CD8A: variants seen among roughly 807,000 people sequenced by gnomAD.
CD8A encodes the protein T-cell surface glycoprotein CD8 alpha chain.
CD8A carries 25 observed loss-of-function variants against 24.2 expected under a neutral mutation model. The ratio of observed to expected loss-of-function variants is 1.03; its 90% CI spans 0.75 to 1.44. The LOEUF (loss-of-function observed/expected upper bound fraction) is 1.44, where lower values mean the gene tolerates loss of function less well. Ranked by LOEUF, CD8A falls within the 40% of genes most tolerant of loss-of-function variation. CD8A has a pLI of 0.00. For missense variants in CD8A, 360 were observed against 319.7 expected (o/e 1.13, Z -0.96); for synonymous variants, 165 against 149.9 (o/e 1.10, Z -0.74).
At chr2:86,786,947 G>C (rs575409179) in intron 5 of CD8A, among the ~76,000 whole-genome samples, 1 of 144,916 alleles carries the variant, frequency 6.9e-6, no homozygotes, top group South Asian at 2.3e-4. Flanking sequence ...GTGAACCCGG[G>C]AGGCGGAGCT....
Position 86,785,965 on chromosome 2 carries a change from C to T in CD8A, c.663G>A (p.Val221=), listed in dbSNP as rs1455887056. 4 of 1,613,734 alleles carry T rather than the reference C, an allele frequency of 2.5e-6. No individual in the cohort carries two copies. Among genetic ancestry groups the T allele is most frequent in the Admixed American group, 1.7e-5 (1 of 60,008 alleles). ...RRRVCKCPRP[V]VKSGDKPSLS... ...GGCTGGGCTTGTCTCCCGATTTGAC[C>T]ACAGGCCTGAAAGAGAGGAAAGCGA... The change falls in exon 6 of 6, where the codon GTG becomes GTA. Residue 221 remains valine (V), a synonymous_variant. Transcript: ENST00000283635.
rs374722514 is a variant in CD8A, at chr2:86,785,037, C to A, written c.*883G>T. The A allele has an allele frequency of 2.2e-6, 1 of 453,936 alleles. No homozygotes were observed. Among genetic ancestry groups the A allele is most frequent in the African/African-American group, 2.0e-5 (1 of 49,984 alleles). The allele number at this position is 453,936 out of a possible 1,614,324, so 28.1% of individuals were successfully genotyped here. A position where few individuals can be genotyped will look rare whatever the true frequency, so the allele number is the denominator to read the frequency against. On this transcript the variant is annotated 3_prime_UTR_variant, in exon 6 of 6. Coordinates refer to ENST00000283635, the MANE Select transcript of CD8A (RefSeq NM_001768.7). The stretch of plus-strand genomic sequence containing the variant: ...AGTGATCCCAGGAACATGTTTGTAT[C>A]TCAAATTCAGAGATTCAAGAGGGCC...
intron 3 of CD8A, among the ~76,000 whole-genome samples, chr2:86,797,174 G>A (rs999411350): frequency 6.6e-6 from 1 of 152,166 alleles, no homozygotes; most frequent in Non-Finnish European, 1.5e-5. Flanking sequence ...TGCAACTGGA[G>A]AGCCAGGATT....
In CD8A at chr2:86,790,795, G is replaced by T; in HGVS notation, c.31C>A (p.Pro11Thr). The T allele has an allele frequency of 6.5e-7, 1 of 1,549,694 alleles. No homozygotes were observed. The change falls in exon 1 of 6, where the codon CCG becomes ACG. Residue 11 changes from proline to threonine, a missense_variant. Transcript: ENST00000283635. ...AACTCACGGAGCAGCAAGGCCAGCGGCAGGAGCAAGGCGGTCACTGGTAAG... is the reference window on the plus strand; with the variant it reads ...AACTCACGGAGCAGCAAGGCCAGCGTCAGGAGCAAGGCGGTCACTGGTAAG... MALPVTALLL[P>T]LALLLHAARP... is the part of the protein sequence containing the mutation.
At chr2:86,786,915 G>A (rs1673031446) in intron 5 of CD8A, among the ~76,000 whole-genome samples, 1 of 149,342 alleles carries the variant, frequency 6.7e-6, no homozygotes, top group Non-Finnish European at 1.5e-5. Flanking sequence ...AGCTACTTGG[G>A]AGGTTGAGGC....
rs988068413 is a variant in CD8A at position 86,785,136 on chromosome 2, A to C, written c.*784T>G. The C allele has an allele frequency of 1.8e-5, 8 of 453,968 alleles. No homozygotes were observed. The highest frequency in any genetic ancestry group is 3.5e-5 in the Non-Finnish European group (8 of 226,784). The allele number at this position is 453,968 out of a possible 1,614,324, so 28.1% of individuals were successfully genotyped here. On this transcript the variant is annotated 3_prime_UTR_variant, in exon 6 of 6. Coordinates refer to ENST00000283635, the MANE Select transcript of CD8A (RefSeq NM_001768.7). Reference sequence around the variant, plus strand: ...TGTCCTCTTTCATGGGCCCCTCTGCAATGCAAGGGCTGGGAGAGCAATTCC... The same window carrying C: ...TGTCCTCTTTCATGGGCCCCTCTGCCATGCAAGGGCTGGGAGAGCAATTCC...
At chr2:86,787,520 C>T (rs1040329977) in intron 5 of CD8A, among the ~76,000 whole-genome samples, 5 of 152,074 alleles carry the variant, frequency 3.3e-5, no homozygotes, top group Admixed American at 2.6e-4. Context: ...TTGCAGCTCC[C>T]GGGCAGTATG....
At position 86,785,308 on chromosome 2, in the gene CD8A, T is replaced by C. The variant is rs1408619421; in HGVS notation, c.*612A>G. 6.6e-6 allele frequency: 3 copies of C among 454,156 alleles called. No individual in the cohort carries two copies. The highest frequency in any genetic ancestry group is 1.4e-4 in the East Asian group (2 of 14,398). The allele number at this position is 454,156 out of a possible 1,614,324, so 28.1% of individuals were successfully genotyped here. A position where few individuals can be genotyped will look rare whatever the true frequency, so the allele number is the denominator to read the frequency against. On this transcript the variant is annotated 3_prime_UTR_variant, in exon 6 of 6. Coordinates refer to ENST00000283635, the MANE Select transcript of CD8A (RefSeq NM_001768.7). ...AAAAAGTCTGATATTGTTTACATTATAGAACTCTGCCAAAGGCAGTTCTCT... is the reference window on the plus strand; with the variant it reads ...AAAAAGTCTGATATTGTTTACATTACAGAACTCTGCCAAAGGCAGTTCTCT...
intron 2 of CD8A, among the ~76,000 whole-genome samples, chr2:86,803,596 C>T (rs955808608): frequency 5.3e-5 from 8 of 152,334 alleles, no homozygotes; most frequent in Admixed American, 1.3e-4. Flanking sequence ...CTGTTGCCCA[C>T]GCTGGAGTGC....
chr2:86,785,891 T>A lies in CD8A; in HGVS notation c.*29A>T. On this transcript the variant is annotated 3_prime_UTR_variant, in exon 6 of 6. Transcript: ENST00000283635. ...TCCCTCAAAAGGAAGGATCTCAGTTTGAAGTAATGTAGTGGCTGTTGCACA... is the reference window on the plus strand; with the variant it reads ...TCCCTCAAAAGGAAGGATCTCAGTTAGAAGTAATGTAGTGGCTGTTGCACA... 6 of 1,556,532 alleles carry A rather than the reference T, an allele frequency of 3.9e-6. No individual in the cohort carries two copies. The highest frequency in any genetic ancestry group is 5.3e-6 in the Non-Finnish European group (6 of 1,127,264).
chr2:86,792,370 G>A (rs1403106348), upstream of CD8A, among the ~76,000 whole-genome samples: 1 of 152,186 alleles, frequency 6.6e-6, no homozygotes, highest in Admixed American at 6.5e-5. Context: ...GGACCATGCC[G>A]AGACTTCATG....
At chr2:86,803,336 T>C (rs886361133) in intron 2 of CD8A, among the ~76,000 whole-genome samples, 1 of 152,170 alleles carries the variant, frequency 6.6e-6, no homozygotes, top group African/African-American at 2.4e-5. Flanking sequence ...TGTAGCATTA[T>C]TCATAATAAC....
intron 2 of CD8A, among the ~76,000 whole-genome samples, chr2:86,803,983 T>C (rs1259143524): frequency 6.6e-6 from 1 of 152,180 alleles, no homozygotes; most frequent in African/African-American, 2.4e-5. Context: ...ACAAGTCAAA[T>C]AAAGTACAAT....
Position 86,790,763 on chromosome 2 carries a change from C to A in CD8A, c.49+14G>T, listed in dbSNP as rs1199607468. 2.2e-6 allele frequency: 3 copies of A among 1,373,760 alleles called. No individual in the cohort carries two copies. The highest frequency in any genetic ancestry group is 1.5e-5 in the African/African-American group (1 of 68,894). The allele number at this position is 1,373,760 out of a possible 1,614,324, so 85.1% of individuals were successfully genotyped here. A position where few individuals can be genotyped will look rare whatever the true frequency, so the allele number is the denominator to read the frequency against. On this transcript the variant is annotated intron_variant, in intron 1 of 5. Coordinates refer to ENST00000283635, the MANE Select transcript of CD8A (RefSeq NM_001768.7). ...CCGCCCCATCCCCTGCCTTCCCGGGCGTCTCAAACTCACGGAGCAGCAAGG... is the reference window on the plus strand; with the variant it reads ...CCGCCCCATCCCCTGCCTTCCCGGGAGTCTCAAACTCACGGAGCAGCAAGG...
intron 3 of CD8A, 81 bp downstream of exon 3, chr2:86,789,559 C>T (rs1673175678): frequency 6.9e-6 from 9 of 1,304,576 alleles, no homozygotes; most frequent in East Asian, 2.4e-5. Context: ...CTTGACTCTA[C>T]CTACAGTATC....
intron 5 of CD8A, among the ~76,000 whole-genome samples, chr2:86,787,104 AT>A (rs1230942989): frequency 6.6e-4 from 69 of 104,498 alleles, no homozygotes; most frequent in African/African-American, 2.4e-3. Flanking sequence ...TTTTTGTGAG[AT>A]GGAATCTTGC....
intron 3 of CD8A, among the ~76,000 whole-genome samples, chr2:86,800,982 G>A (rs1398495780): frequency 6.6e-6 from 1 of 152,162 alleles, no homozygotes; most frequent in Non-Finnish European, 1.5e-5. Flanking sequence ...CTGAAAACAA[G>A]GCAGAGATGG....
chr2:86,786,999 G>T lies in CD8A; in HGVS notation c.657-1028C>A, dbSNP rs534506624. On this transcript the variant is annotated intron_variant, in intron 5 of 5. Transcript: ENST00000283635. Reference sequence around the variant, plus strand: ...CGCACCACTGCACTCAAGCCTGGGCGACATAGCGAGACTCCGTCTCAAAAA... The same window carrying T: ...CGCACCACTGCACTCAAGCCTGGGCTACATAGCGAGACTCCGTCTCAAAAA... 1.8e-4 allele frequency among the ~76,000 whole-genome samples: 17 copies of T among 93,032 alleles called. No homozygotes were observed. The South Asian group carries it at 5.7e-3, about 31-fold the overall frequency. The allele number at this position is 93,032 out of a possible 152,430, so 61.0% of individuals were successfully genotyped here. A position where few individuals can be genotyped will look rare whatever the true frequency, so the allele number is the denominator to read the frequency against.
intron 3 of CD8A, among the ~76,000 whole-genome samples, chr2:86,799,563 T>C (rs1040724029): frequency 2.6e-5 from 4 of 151,538 alleles, no homozygotes; most frequent in Admixed American, 6.6e-5. Context: ...GAGACCATCC[T>C]GGCTAACACG....
Sources: allele counts gnomAD v4.1 joint callset (sites outside exome capture counted in the v4.1 genomes callset), GRCh38; gene constraint gnomAD v4.1.1; transcripts MANE v1.5; gene names NCBI Gene and HGNC (gene_info 2026-07-23, HGNC 2026-07-21).